TYW1B: variants seen among roughly 807,000 people sequenced by gnomAD.
TYW1B encodes the protein tRNA-yW synthesizing protein 1 homolog B, also known as S-adenosyl-L-methionine-dependent tRNA 4-demethylwyosine synthase TYW1B.
A neutral mutation model predicts 86.9 loss-of-function variants in TYW1B; 73 were observed. That is an observed-to-expected ratio of 0.84 (90% CI 0.70 to 1.02). The LOEUF (loss-of-function observed/expected upper bound fraction) is 1.02, where lower values mean the gene tolerates loss of function less well. Among genes scored for constraint, TYW1B ranks in the 50% least tolerant of loss-of-function variants. The pLI, the probability that TYW1B is intolerant of heterozygous loss-of-function variation, is 0.00. For synonymous variants in TYW1B, 248 were observed against 292.8 expected (o/e 0.85, Z 1.56); for missense variants, 637 against 827.4 (o/e 0.77, Z 2.82).
At chr7:72,793,628 C>A (rs186665623) in intron 6 of TYW1B, among the ~76,000 whole-genome samples, 2 of 151,638 alleles carry the variant, frequency 1.3e-5, no homozygotes, top group Non-Finnish European at 1.5e-5. Context: ...TGGTTGCAGG[C>A]GCCTGTAATC....
intron 13 of TYW1B, among the ~76,000 whole-genome samples, chr7:72,587,693 A>C (rs1811304849): frequency 6.6e-6 from 1 of 152,178 alleles, no homozygotes; most frequent in Non-Finnish European, 1.5e-5. Flanking sequence ...ATGACTCCTA[A>C]ACACTAATTT....
At position 72,574,640 on chromosome 7, in the gene TYW1B, C is replaced by G; in HGVS notation, c.*858G>C. 2.0e-6 allele frequency: 2 copies of G among 985,372 alleles called. No homozygotes were observed. The highest frequency in any genetic ancestry group is 1.1e-4 in the East Asian group (1 of 8,816). The allele number at this position is 985,372 out of a possible 1,614,324, so 61.0% of individuals were successfully genotyped here. A position where few individuals can be genotyped will look rare whatever the true frequency, so the allele number is the denominator to read the frequency against. ...TTGAAAACACCTGAACCTTATAGAA[C>G]AGATTGTGTAAAGCAGCGAGGGCCA... On this transcript the variant is annotated 3_prime_UTR_variant, in exon 14 of 14. Coordinates refer to ENST00000620995, the MANE Select transcript of TYW1B (RefSeq NM_001145440.3).
chr7:72,799,254 G>C (rs1788362587), intron 6 of TYW1B, among the ~76,000 whole-genome samples: 2 of 145,362 alleles, frequency 1.4e-5, no homozygotes, highest in South Asian at 4.3e-4. Context: ...TGCCGCCAGG[G>C]TTCAAAAGAT....
At chr7:72,792,164 A>C (rs371534460) in intron 6 of TYW1B, among the ~76,000 whole-genome samples, 12 of 151,970 alleles carry the variant, frequency 7.9e-5, no homozygotes, top group African/African-American at 2.4e-4. Context: ...CCCCATCTCT[A>C]CAAAAAATAC....
intron 13 of TYW1B, among the ~76,000 whole-genome samples, chr7:72,577,640 T>G (rs1191870239): frequency 1.3e-5 from 2 of 152,212 alleles, no homozygotes; most frequent in African/African-American, 2.4e-5. Context: ...ACGCAGGCCC[T>G]TCCTCTGGGC....
At chr7:72,784,458 T>A (rs1269806234) in intron 6 of TYW1B, among the ~76,000 whole-genome samples, 1 of 152,244 alleles carries the variant, frequency 6.6e-6, no homozygotes, top group Non-Finnish European at 1.5e-5. Flanking sequence ...CTGTGAGGAT[T>A]GAGTGAGATA....
At chr7:72,821,184 G>A (rs1788821545) in intron 2 of TYW1B, among the ~76,000 whole-genome samples, 1 of 152,136 alleles carries the variant, frequency 6.6e-6, no homozygotes, top group Admixed American at 6.6e-5. Flanking sequence ...ATGTTGGCCA[G>A]GCTAATCTCA....
chr7:72,724,990 G>GT (rs1563072896), intron 9 of TYW1B, among the ~76,000 whole-genome samples: 1 of 151,850 alleles, frequency 6.6e-6, no homozygotes, highest in Non-Finnish European at 1.5e-5. Context: ...TCCTCACATC[G>GT]TAAGAACCCA....
intron 7 of TYW1B, among the ~76,000 whole-genome samples, chr7:72,771,160 A>G (rs766824751): frequency 2.5e-4 from 38 of 152,126 alleles, no homozygotes; most frequent in African/African-American, 8.7e-4. Context: ...ACGGGGTTTC[A>G]CCATTTTGGC....
At chr7:72,822,685 ACCTGTAATCCTAT>A (rs1204466371) in intron 2 of TYW1B, among the ~76,000 whole-genome samples, 2 of 152,196 alleles carry the variant, frequency 1.3e-5, no homozygotes, top group Middle Eastern at 3.2e-3. Context: ...AGTGGCTCAC[ACCTGTAATCCTAT>A]CCTGTAATCC....
intron 6 of TYW1B, among the ~76,000 whole-genome samples, chr7:72,790,455 G>A (rs530729839): frequency 6.6e-5 from 10 of 152,230 alleles, no homozygotes; most frequent in Non-Finnish European, 1.3e-4. Flanking sequence ...ACTGGGCCAG[G>A]CACAGTGGCT....
At chr7:72,647,096 T>C (rs1222503905) in intron 11 of TYW1B, among the ~76,000 whole-genome samples, 3 of 152,076 alleles carry the variant, frequency 2.0e-5, no homozygotes, top group Non-Finnish European at 4.4e-5. Context: ...TCTCCTAAAA[T>C]ATGGTACTGA....
intron 11 of TYW1B, among the ~76,000 whole-genome samples, chr7:72,644,826 C>CTTTTTT (rs371295909): frequency 1.7e-5 from 2 of 119,626 alleles, no homozygotes; most frequent in African/African-American, 3.3e-5. Context: ...CATGACTTTC[C>CTTTTTT]TTTTTTTTTT....
intron 11 of TYW1B, among the ~76,000 whole-genome samples, chr7:72,676,225 CTTCAAT>C (rs1813731965): frequency 6.6e-6 from 1 of 152,100 alleles, no homozygotes; most frequent in Non-Finnish European, 1.5e-5. Flanking sequence ...GCTCTGTGAC[CTTCAAT>C]TTCCTCGTCT....
At chr7:72,802,910 A>G (rs1373122845) in intron 5 of TYW1B, among the ~76,000 whole-genome samples, 1 of 152,062 alleles carries the variant, frequency 6.6e-6, no homozygotes, top group Non-Finnish European at 1.5e-5. Context: ...CGTCAACAAC[A>G]GCGCTCGGCT....
At chr7:72,761,970 G>A (rs1787692643) in intron 7 of TYW1B, among the ~76,000 whole-genome samples, 1 of 152,046 alleles carries the variant, frequency 6.6e-6, no homozygotes, top group Non-Finnish European at 1.5e-5. Flanking sequence ...ACGTGATTAA[G>A]TTGGCTATAA....
At chr7:72,643,554 T>G (rs1812855054) in intron 11 of TYW1B, among the ~76,000 whole-genome samples, 1 of 150,094 alleles carries the variant, frequency 6.7e-6, no homozygotes, top group Non-Finnish European at 1.5e-5. Flanking sequence ...AACACTGCAC[T>G]CCAGCCTGGG....
chr7:72,652,174 G>A (rs1309687991), intron 11 of TYW1B, among the ~76,000 whole-genome samples: 3 of 151,798 alleles, frequency 2.0e-5, no homozygotes, highest in East Asian at 1.9e-4. Context: ...TCAGGAGATC[G>A]AGACCATCTG....
At chr7:72,637,940 T>C (rs1377923500) in intron 11 of TYW1B, among the ~76,000 whole-genome samples, 4 of 151,742 alleles carry the variant, frequency 2.6e-5, no homozygotes, top group Admixed American at 1.3e-4. Flanking sequence ...AGTACTGGCC[T>C]ATTGTTGCTC....
Sources: allele counts gnomAD v4.1 joint callset (sites outside exome capture counted in the v4.1 genomes callset), GRCh38; gene constraint gnomAD v4.1.1; transcripts MANE v1.5; gene names NCBI Gene and HGNC (gene_info 2026-07-23, HGNC 2026-07-21).